PLXDC2: variants seen among roughly 807,000 people sequenced by gnomAD.
PLXDC2 encodes plexin domain containing 2, also known as plexin domain-containing protein 2.
PLXDC2 carries 40 observed loss-of-function variants against 68.9 expected under a neutral mutation model. The observed-to-expected ratio is 0.58, with a 90% CI of 0.45 to 0.76. PLXDC2 has a LOEUF of 0.76. PLXDC2 is among the 30% of genes least tolerant of loss of function. The pLI is 0.00. For missense variants in PLXDC2, 644 were observed against 661.9 expected, an observed-to-expected ratio of 0.97 and a Z score of 0.30; for synonymous variants, 243 against 234.2, an observed-to-expected ratio of 1.04 and a Z score of -0.34.
rs142052614 is a variant in PLXDC2, at chr10:20,191,720, T to A, written c.1061+14311T>A. 7.6e-4 allele frequency among the ~76,000 whole-genome samples: 116 copies of A among 152,036 alleles called. No homozygotes were observed. In the East Asian group the frequency reaches 0.018, roughly 24 times the overall value. ...CACCTAATGTTAAATGACGAGTTAA[T>A]GGGTGCAGCACACCAACATGGCACA... On this transcript the variant is annotated intron_variant, in intron 9 of 13. Transcript: ENST00000377252.
chr10:20,108,994 G>C (rs560855822), intron 4 of PLXDC2, among the ~76,000 whole-genome samples: 8 of 152,254 alleles, frequency 5.3e-5, no homozygotes, highest in Admixed American at 2.6e-4. Flanking sequence ...CAAATGTCTT[G>C]AACATTTCTC....
chr10:20,266,144 T>C (rs1306354360), intron 13 of PLXDC2, among the ~76,000 whole-genome samples: 1 of 152,048 alleles, frequency 6.6e-6, no homozygotes, highest in Non-Finnish European at 1.5e-5. Flanking sequence ...TTTATTAGAG[T>C]AATGAGAAAT....
chr10:20,040,986 A>G (rs976168153), intron 2 of PLXDC2, among the ~76,000 whole-genome samples: 2 of 152,182 alleles, frequency 1.3e-5, no homozygotes, highest in Non-Finnish European at 2.9e-5. Flanking sequence ...TTATATTTTC[A>G]TGGTTGATAG....
chr10:20,121,510 T>G (rs542489622), intron 4 of PLXDC2, among the ~76,000 whole-genome samples: 1 of 152,274 alleles, frequency 6.6e-6, no homozygotes, highest in South Asian at 2.1e-4. Flanking sequence ...ACTGAAGTAA[T>G]GGGGGCTGTC....
intron 1 of PLXDC2, among the ~76,000 whole-genome samples, chr10:19,828,786 A>G (rs1049131974): frequency 6.6e-6 from 1 of 151,906 alleles, no homozygotes; most frequent in African/African-American, 2.4e-5. Flanking sequence ...TAAGCCAAGG[A>G]CTTTTGTTTG....
intron 2 of PLXDC2, among the ~76,000 whole-genome samples, chr10:20,032,591 C>G (rs1268457910): frequency 6.6e-6 from 1 of 152,042 alleles, no homozygotes; most frequent in South Asian, 2.1e-4. Context: ...TAGAAACAAT[C>G]TGAGCAAGTG....
rs561430484 is a variant in PLXDC2, at chr10:20,243,940, T to C, written c.1313-1405T>C. On this transcript the variant is annotated intron_variant, in intron 12 of 13. Coordinates refer to ENST00000377252, the MANE Select transcript of PLXDC2 (RefSeq NM_032812.9). ...CAGGTGTAGTGGCAAGCGCCTGTAA[T>C]CCCAGCTACTTGGGAGGCTGAGGCA... 2.4e-3 allele frequency among the ~76,000 whole-genome samples: 361 copies of C among 152,202 alleles called. 2 individuals carry two copies. The highest frequency in any genetic ancestry group is 3.4e-3 in the African/African-American group (143 of 41,546).
At chr10:19,976,592 C>T (rs1013374620) in intron 1 of PLXDC2, among the ~76,000 whole-genome samples, 7 of 152,234 alleles carry the variant, frequency 4.6e-5, no homozygotes, top group African/African-American at 1.4e-4. Context: ...CTGCCATCAG[C>T]GTACAAAAAT....
At chr10:20,237,018 A>G (rs985461509) in intron 12 of PLXDC2, among the ~76,000 whole-genome samples, 12 of 150,292 alleles carry the variant, frequency 8.0e-5, no homozygotes, top group Non-Finnish European at 1.0e-4. Context: ...TTTTTAAAGG[A>G]TAGTCATCCT....
intron 4 of PLXDC2, among the ~76,000 whole-genome samples, chr10:20,109,935 C>T (rs1164108376): frequency 6.6e-6 from 1 of 152,186 alleles, no homozygotes; most frequent in Non-Finnish European, 1.5e-5. Context: ...CATTCCCAAG[C>T]ATTCACGGAG....
chr10:19,863,059 A>C (rs1837345038), intron 1 of PLXDC2, among the ~76,000 whole-genome samples: 1 of 152,168 alleles, frequency 6.6e-6, no homozygotes, highest in Non-Finnish European at 1.5e-5. Context: ...TATTATTTTT[A>C]GAGGGTAAGA....
At chr10:20,259,498 A>C (rs1267839572) in intron 13 of PLXDC2, among the ~76,000 whole-genome samples, 1 of 152,206 alleles carries the variant, frequency 6.6e-6, no homozygotes, top group African/African-American at 2.4e-5. Context: ...CAATATTTAC[A>C]AAAAAATTAG....
At chr10:20,196,993 T>A (rs1421314709) in intron 9 of PLXDC2, among the ~76,000 whole-genome samples, 1 of 151,750 alleles carries the variant, frequency 6.6e-6, no homozygotes, top group Non-Finnish European at 1.5e-5. Context: ...AAAGTTGGAT[T>A]TTTTTTTCTA....
At chr10:19,828,927 A>T (rs1032665933) in intron 1 of PLXDC2, among the ~76,000 whole-genome samples, 2 of 152,082 alleles carry the variant, frequency 1.3e-5, no homozygotes, top group African/African-American at 4.8e-5. Context: ...CCCATTCTTC[A>T]TTCCACAGCC....
intron 1 of PLXDC2, among the ~76,000 whole-genome samples, chr10:19,854,119 G>A (rs539544067): frequency 1.2e-4 from 19 of 152,316 alleles, no homozygotes; most frequent in African/African-American, 4.6e-4. Flanking sequence ...ACAACTGGGT[G>A]TCTTACATGT....
intron 9 of PLXDC2, among the ~76,000 whole-genome samples, chr10:20,193,014 C>A (rs570149937): frequency 6.6e-6 from 1 of 152,114 alleles, no homozygotes; most frequent in East Asian, 1.9e-4. Context: ...CTTTCTCTTA[C>A]AAAAATATAA....
chr10:19,842,011 G>A (rs943688242), intron 1 of PLXDC2, among the ~76,000 whole-genome samples: 8 of 152,034 alleles, frequency 5.3e-5, no homozygotes, highest in South Asian at 4.1e-4. Context: ...CACAGTGGCC[G>A]GTGCCTATAA....
intron 1 of PLXDC2, among the ~76,000 whole-genome samples, chr10:19,885,315 C>G (rs1378010737): frequency 1.3e-4 from 19 of 150,300 alleles, no homozygotes; most frequent in African/African-American, 3.9e-4. Flanking sequence ...CCTGTTCACT[C>G]TGATGGTAGT....
At chr10:20,178,971 A>T (rs1355214916) in intron 9 of PLXDC2, among the ~76,000 whole-genome samples, 2 of 152,134 alleles carry the variant, frequency 1.3e-5, no homozygotes, top group Non-Finnish European at 2.9e-5. Context: ...ATTTATATTG[A>T]TATTTTACTA....
Sources: gnomAD v4.1 joint callset for allele counts (sites outside exome capture counted in the v4.1 genomes callset) on GRCh38, gnomAD v4.1.1 for gene constraint, MANE v1.5 for transcripts, NCBI Gene and HGNC (gene_info 2026-07-23, HGNC 2026-07-21) for gene names.